DBNL: variants seen among roughly 807,000 people sequenced by gnomAD.
DBNL encodes the protein drebrin-like protein.
Under a neutral mutation model 62.2 loss-of-function variants are expected in DBNL, and 35 were observed. The ratio of observed to expected loss-of-function variants is 0.56; its 90% CI spans 0.43 to 0.75. The LOEUF (loss-of-function observed/expected upper bound fraction) is 0.75, where lower values mean the gene tolerates loss of function less well. Among genes scored for constraint, DBNL ranks in the 30% least tolerant of loss-of-function variants. The pLI is 0.00. For missense variants in DBNL, 495 were observed against 578.4 expected (o/e 0.86, Z 1.48); for synonymous variants, 197 against 218.0 (o/e 0.90, Z 0.85).
In DBNL at chr7:44,059,400, G is replaced by A; in HGVS notation, c.882G>A (p.Glu294=). Residue 294 remains glutamate, a synonymous_variant, in exon 10 of 13, where the codon GAG becomes GAA. Coordinates refer to ENST00000448521, the MANE Select transcript of DBNL (RefSeq NM_001014436.3). This position sits in a 1 kb window ranked among gnomAD's most constrained non-coding sequence, Gnocchi z 4.1. ...TGCAGAAGCAGCTCACCCAACCAGA[G>A]ACCCACTTTGGCAGAGAGCCAGCTG... The part of the protein sequence containing the change: ...PFLQKQLTQP[E]THFGREPAAA... 1 of 1,614,148 alleles carries A rather than the reference G, an allele frequency of 6.2e-7. No individual in the cohort carries two copies. Among genetic ancestry groups the A allele is most frequent in the Non-Finnish European group, 8.5e-7 (1 of 1,180,024 alleles).
At position 44,061,666 on chromosome 7, in the gene DBNL, G is replaced by A. The variant is rs886690155; in HGVS notation, c.*750G>A. ...GGCCTGTTGTCTTCCCCTATTTTCT[G>A]TCCCAGCTCATCCGTGTCTCTGAAG... On this transcript the variant is annotated 3_prime_UTR_variant, in exon 13 of 13. Transcript: ENST00000448521. The A allele has an allele frequency of 6.6e-6, 1 of 152,416 alleles. No homozygotes were observed. Among genetic ancestry groups the A allele is most frequent in the African/African-American group, 2.4e-5 (1 of 41,438 alleles). 9.4% of individuals were successfully genotyped at this position (152,416 alleles called of 1,614,324 possible). A position where few individuals can be genotyped will look rare whatever the true frequency, so the allele number is the denominator to read the frequency against.
At chr7:44,049,273 C>T (rs760776867) in intron 1 of DBNL, among the ~76,000 whole-genome samples, 4 of 152,224 alleles carry the variant, frequency 2.6e-5, no homozygotes, top group Non-Finnish European at 5.9e-5. Flanking sequence ...TCTCCTGCCT[C>T]AACCTCCTGA....
rs1319448026 is a variant in DBNL at position 44,058,135 on chromosome 7, G to A, written c.559G>A (p.Glu187Lys). The A allele has an allele frequency of 6.4e-7, 1 of 1,555,812 alleles. No homozygotes were observed. Among genetic ancestry groups the A allele is most frequent in the Non-Finnish European group, 8.7e-7 (1 of 1,149,926 alleles). ...DSFWAKAEKE[E>K]ENRRLEEKRR... ...GCAGTGGCTCTCCCTGCAGAAGGAG[G>A]AGGAGAACCGTCGGCTGGAGGAAAA... Residue 187 changes from glutamate (E) to lysine (K), a missense_variant, in exon 7 of 13, where the codon GAG becomes AAG. Transcript: ENST00000448521.
In DBNL at chr7:44,064,879, A is replaced by G. The variant is rs2096156288; in HGVS notation, c.*3963A>G. ...CCGCAGGCTGTTCCCGTGGGCTGCAATGAGCACTCGCTTGCCGGCCTTGAT... is the reference window on the plus strand; with the variant it reads ...CCGCAGGCTGTTCCCGTGGGCTGCAGTGAGCACTCGCTTGCCGGCCTTGAT... On this transcript the variant is annotated 3_prime_UTR_variant, in exon 13 of 13. Transcript: ENST00000448521. 1.2e-6 allele frequency: 2 copies of G among 1,611,108 alleles called. No individual in the cohort carries two copies. Among genetic ancestry groups the G allele is most frequent in the African/African-American group, 1.3e-5 (1 of 74,882 alleles).
chr7:44,056,576 T>C lies in DBNL; in HGVS notation c.328-181T>C, dbSNP rs544236031. On this transcript the variant is annotated intron_variant, in intron 4 of 12. Transcript: ENST00000448521. ...GAATGAGGGGTTTGCTCCAAGTTGG[T>C]TTGTTTGAGCCCTTGAGGGGAACTC... is the stretch of plus-strand genomic sequence containing the variant. 4.7e-4 allele frequency among the ~76,000 whole-genome samples: 71 copies of C among 152,178 alleles called. 2 individuals are homozygous for C. The South Asian group carries it at 0.014, about 30-fold the overall frequency.
chr7:44,053,176 G>T (rs1338199140), intron 4 of DBNL, among the ~76,000 whole-genome samples: 3 of 152,232 alleles, frequency 2.0e-5, no homozygotes, highest in Admixed American at 2.0e-4. Context: ...AGTGGGGCAG[G>T]ATAAAGGACT....
Position 44,063,341 on chromosome 7 carries a change from G to A in DBNL, c.*2425G>A, listed in dbSNP as rs6463216. The A allele has an allele frequency of 0.26, 72,069 of 279,138 alleles. 10,429 individuals carry two copies. The highest frequency in any genetic ancestry group is 0.41 in the African/African-American group (18,471 of 45,142). The allele number at this position is 279,138 out of a possible 1,614,324, so 17.3% of individuals were successfully genotyped here. A position where few individuals can be genotyped will look rare whatever the true frequency, so the allele number is the denominator to read the frequency against. On this transcript the variant is annotated 3_prime_UTR_variant, in exon 13 of 13. Transcript: ENST00000448521. ...CTCCTCTTGCCCAGGCTGGAGTGCA[G>A]TGGCACGATCTTGGCTCACTGCAAC...
Position 44,062,601 on chromosome 7 carries a change from A to T in DBNL, c.*1685A>T. On this transcript the variant is annotated 3_prime_UTR_variant, in exon 13 of 13. Transcript: ENST00000448521. Reference sequence around the variant, plus strand: ...GTCCTGATGACTAGGTGTGGGTACTAGGCTCCTGCCCCTGGTGACACACGT... The same window carrying T: ...GTCCTGATGACTAGGTGTGGGTACTTGGCTCCTGCCCCTGGTGACACACGT... The T allele has an allele frequency of 1.4e-6, 1 of 694,850 alleles. No homozygotes were observed. The highest frequency in any genetic ancestry group is 2.5e-6 in the Non-Finnish European group (1 of 400,488). The allele number at this position is 694,850 out of a possible 1,614,324, so 43.0% of individuals were successfully genotyped here. A position where few individuals can be genotyped will look rare whatever the true frequency, so the allele number is the denominator to read the frequency against.
Position 44,044,703 on chromosome 7 carries a change from G to C in DBNL, c.-35G>C. The C allele has an allele frequency of 6.9e-7, 1 of 1,455,222 alleles. No homozygotes were observed. Among genetic ancestry groups the C allele is most frequent in the Non-Finnish European group, 9.1e-7 (1 of 1,104,970 alleles). 90.1% of individuals were successfully genotyped at this position (1,455,222 alleles called of 1,614,324 possible). ...AGGGGCGGCCCGGCCCGGCCCGGAAGCTACAGCAGCGGCGCGGAGACTGCG... is the reference window on the plus strand; with the variant it reads ...AGGGGCGGCCCGGCCCGGCCCGGAACCTACAGCAGCGGCGCGGAGACTGCG... On this transcript the variant is annotated 5_prime_UTR_variant, in exon 1 of 13. Transcript: ENST00000448521.
rs377760952 is a variant in DBNL, at chr7:44,058,206, G to C, written c.630G>C (p.Arg210=). 4.1e-4 allele frequency: 649 copies of C among 1,564,642 alleles called. 3 individuals carry two copies. The African/African-American group carries it at 7.1e-3, about 17-fold the overall frequency. Reference sequence around the variant, plus strand: ...AGCGGCAGCTGGAGCAGGAGCGCCGGGAGCGTGAGCTGCGTGAGGCTGCAC... The same window carrying C: ...AGCGGCAGCTGGAGCAGGAGCGCCGCGAGCGTGAGCTGCGTGAGGCTGCAC... ...EAQRQLEQER[R]ERELREAARR... Residue 210 remains arginine (R), a synonymous_variant, in exon 7 of 13, where the codon CGG becomes CGC. Transcript: ENST00000448521.
At chr7:44,056,264 G>GT (rs2096136073) in intron 4 of DBNL, among the ~76,000 whole-genome samples, 1 of 150,516 alleles carries the variant, frequency 6.6e-6, no homozygotes, top group South Asian at 2.1e-4. Flanking sequence ...TTGTGTCTGT[G>GT]TTTATGCCTG....
In DBNL at chr7:44,069,139, T is replaced by A. The variant is rs992906570; in HGVS notation, c.*8223T>A. The A allele has an allele frequency of 2.0e-5, 3 of 152,156 alleles. No homozygotes were observed. The highest frequency in any genetic ancestry group is 4.4e-5 in the Non-Finnish European group (3 of 68,026). 9.4% of individuals were successfully genotyped at this position (152,156 alleles called of 1,614,324 possible). On this transcript the variant is annotated 3_prime_UTR_variant, in exon 13 of 13. Transcript: ENST00000448521. ...AACCAAAGAATCTGCTTTAAAAAAA[T>A]GTTAAACCAAGTTCTTCAGACAGAA...
chr7:44,045,188 G>A (rs1297437018), intron 1 of DBNL, among the ~76,000 whole-genome samples: 2 of 152,240 alleles, frequency 1.3e-5, no homozygotes, highest in Admixed American at 6.5e-5. Context: ...CCCTGGAGAA[G>A]GGGTTCCTGC....
At position 44,061,073 on chromosome 7, in the gene DBNL, C is replaced by A; in HGVS notation, c.*157C>A. Reference sequence around the variant, plus strand: ...CTCCGGCTTGGCAGACTCAGCCTGTCACCCCAAATGCAGCAATGGCCTGGT... The same window carrying A: ...CTCCGGCTTGGCAGACTCAGCCTGTAACCCCAAATGCAGCAATGGCCTGGT... On this transcript the variant is annotated 3_prime_UTR_variant, in exon 13 of 13. Coordinates refer to ENST00000448521, the MANE Select transcript of DBNL (RefSeq NM_001014436.3). 1 of 976,488 alleles carries A rather than the reference C, an allele frequency of 1.0e-6. No individual in the cohort carries two copies. Among genetic ancestry groups the A allele is most frequent in the Non-Finnish European group, 1.5e-6 (1 of 680,608 alleles). 60.5% of individuals were successfully genotyped at this position (976,488 alleles called of 1,614,324 possible).
At chr7:44,050,156 T>C (rs2128790047) in intron 1 of DBNL, 69 bp from the exon 2 acceptor site, 2 of 1,549,734 alleles carry the variant, frequency 1.3e-6, no homozygotes, top group Non-Finnish European at 1.8e-6. Context: ...TGGAAAGTCA[T>C]GGTGGATACG....
Position 44,065,442 on chromosome 7 carries a change from G to C in DBNL, c.*4526G>C, listed in dbSNP as rs765460724. The stretch of plus-strand genomic sequence containing the variant: ...GCCTCCTCGGTCCCCTTTTCACTCA[G>C]CTCTGCATCGAACCAGCCACAGAAA... On this transcript the variant is annotated 3_prime_UTR_variant, in exon 13 of 13. Coordinates refer to ENST00000448521, the MANE Select transcript of DBNL (RefSeq NM_001014436.3). The C allele has an allele frequency of 2.5e-6, 4 of 1,614,046 alleles. No homozygotes were observed. Among genetic ancestry groups the C allele is most frequent in the Non-Finnish European group, 3.4e-6 (4 of 1,180,026 alleles).
At chr7:44,053,967 C>CGT (rs1340154532) in intron 4 of DBNL, among the ~76,000 whole-genome samples, 1 of 152,136 alleles carries the variant, frequency 6.6e-6, no homozygotes. Flanking sequence ...TGAACCACCA[C>CGT]GCCCAGCCCA....
intron 1 of DBNL, among the ~76,000 whole-genome samples, chr7:44,045,153 G>C (rs550458522): frequency 1.3e-5 from 2 of 152,330 alleles, no homozygotes; most frequent in Non-Finnish European, 2.9e-5. Context: ...GCTTCGCCAG[G>C]TTCTTCTTTC....
chr7:44,058,152 G>A lies in DBNL; in HGVS notation c.576G>A (p.Leu192=), dbSNP rs1434673084. 7 of 1,558,732 alleles carry A rather than the reference G, an allele frequency of 4.5e-6. No individual in the cohort carries two copies. In the African/African-American group the frequency reaches 5.4e-5, roughly 12 times the overall value. The change falls in exon 7 of 13, where the codon CTG becomes CTA. Residue 192 remains leucine, a synonymous_variant. Transcript: ENST00000448521. ...KAEKEEENRR[L]EEKRRAEEAQ... ...AGAAGGAGGAGGAGAACCGTCGGCTGGAGGAAAAGCGGCGGGCCGAGGAGG... is the reference window on the plus strand; with the variant it reads ...AGAAGGAGGAGGAGAACCGTCGGCTAGAGGAAAAGCGGCGGGCCGAGGAGG...
Sources: gnomAD v4.1 joint callset for allele counts (sites outside exome capture counted in the v4.1 genomes callset) on GRCh38, gnomAD v4.1.1 for gene constraint, Gnocchi (gnomAD v3.1) non-coding constraint, MANE v1.5 for transcripts, NCBI Gene and HGNC (gene_info 2026-07-23, HGNC 2026-07-21) for gene names.